The following IL1RAPL1 variants were observed in gnomAD, a reference collection of about 807,000 sequenced individuals.
IL1RAPL1 encodes interleukin-1 receptor accessory protein-like 1.
In IL1RAPL1, 3 loss-of-function variants were observed where a neutral mutation model predicts 48.4. The ratio of observed to expected loss-of-function variants is 0.06; its 90% CI spans 0.03 to 0.16. The LOEUF (loss-of-function observed/expected upper bound fraction) is 0.16, where lower values mean the gene tolerates loss of function less well. Among genes scored for constraint, IL1RAPL1 ranks in the 10% least tolerant of loss-of-function variants. The probability of loss-of-function intolerance (pLI) is 1.00; values close to 1 mark genes in which losing one functional copy is unlikely to be tolerated. For synonymous variants in IL1RAPL1, 185 were observed against 187.7 expected, an observed-to-expected ratio of 0.99 and a Z score of 0.12; for missense variants, 349 against 530.6, an observed-to-expected ratio of 0.66 and a Z score of 3.36.
In IL1RAPL1 at chrX:29,583,158, A is replaced by C. The variant is rs373061278; in HGVS notation, c.704-85272A>C. ...AAGCATTCCCTTTGAAAACTGGCAC[A>C]AGACAGGGATGCCCTCTCTCACCGC... On this transcript the variant is annotated intron_variant, in intron 5 of 10. Transcript: ENST00000378993. Among the ~76,000 whole-genome samples the C allele has an allele frequency of 7.6e-4, 75 of 98,443 alleles. 2 individuals are homozygous for C. The East Asian group carries it at 8.2e-3, about 11-fold the overall frequency. The allele number at this position is 98,443 out of a possible 115,157, so 85.5% of individuals were successfully genotyped here. A position where few individuals can be genotyped will look rare whatever the true frequency, so the allele number is the denominator to read the frequency against.
intron 2 of IL1RAPL1, among the ~76,000 whole-genome samples, chrX:29,002,902 A>G (rs985345109): frequency 1.0e-5 from 1 of 95,931 alleles, no homozygotes; most frequent in African/African-American, 3.9e-5. Context: ...AAGGAAATCA[A>G]CCAGTTATGT....
Position 29,372,773 on chromosome X carries a change from C to CTTTTTTTTT in IL1RAPL1, c.363-23470_363-23462dup, listed in dbSNP as rs1160543169. Among the ~76,000 whole-genome samples, 26 of 63,485 alleles carry CTTTTTTTTT rather than the reference C, an allele frequency of 4.1e-4. 1 individual carries two copies. Among genetic ancestry groups the CTTTTTTTTT allele is most frequent in the Non-Finnish European group, 5.5e-4 (19 of 34,415 alleles). The allele number at this position is 63,485 out of a possible 115,157, so 55.1% of individuals were successfully genotyped here. On this transcript the variant is annotated intron_variant, in intron 3 of 10. Transcript: ENST00000378993. Reference sequence around the variant, plus strand: ...TGTTCTATTCCATTGGTCTATGTGTCTTTTTTTTTTTTTTTTTTTTTTTGT... The same window carrying CTTTTTTTTT: ...TGTTCTATTCCATTGGTCTATGTGTCTTTTTTTTTTTTTTTTTTTTTTTTTTTTTTTTGT...
At chrX:29,766,342 A>AAAAAATATATATAT (rs1200679211) in intron 6 of IL1RAPL1, among the ~76,000 whole-genome samples, 1 of 47,542 alleles carries the variant, frequency 2.1e-5, no homozygotes, top group African/African-American at 9.0e-5. Context: ...AAAAAAAAAA[A>AAAAAATATATATAT]ATATATATAT....
intron 5 of IL1RAPL1, among the ~76,000 whole-genome samples, chrX:29,589,920 C>T (rs988440554): frequency 6.3e-5 from 7 of 111,076 alleles, no homozygotes; most frequent in Admixed American, 5.8e-4. Context: ...AGTTCACAAT[C>T]GGCGCAGAAG....
chrX:29,588,900 T>C (rs1487290757), intron 5 of IL1RAPL1, among the ~76,000 whole-genome samples: 1 of 112,099 alleles, frequency 8.9e-6, no homozygotes. Flanking sequence ...TTTAGGCTAC[T>C]TGGGTTCTAT....
intron 5 of IL1RAPL1, among the ~76,000 whole-genome samples, chrX:29,652,084 A>G (rs1925536597): frequency 9.0e-6 from 1 of 111,698 alleles, no homozygotes; most frequent in African/African-American, 3.2e-5. Context: ...ATCTTCAGAA[A>G]AAAAGCACAC....
intron 6 of IL1RAPL1, among the ~76,000 whole-genome samples, chrX:29,835,460 C>A: frequency 9.0e-6 from 1 of 111,724 alleles, no homozygotes; most frequent in East Asian, 2.8e-4. Context: ...AAGATAATTG[C>A]GTGTAGTTTT....
At chrX:29,439,241 G>A (rs1569311395) in intron 5 of IL1RAPL1, among the ~76,000 whole-genome samples, 1 of 111,278 alleles carries the variant, frequency 9.0e-6, no homozygotes, top group African/African-American at 3.3e-5. Flanking sequence ...TAGGTTTTGG[G>A]TTAGATTCAA....
chrX:29,143,251 G>A (rs1929280452), intron 2 of IL1RAPL1, among the ~76,000 whole-genome samples: 1 of 110,877 alleles, frequency 9.0e-6, no homozygotes, highest in African/African-American at 3.3e-5. Flanking sequence ...TGAAAGACAT[G>A]GACAATCACA....
intron 2 of IL1RAPL1, among the ~76,000 whole-genome samples, chrX:29,252,039 C>G (rs903731095): frequency 1.8e-5 from 1 of 56,841 alleles, no homozygotes; most frequent in African/African-American, 5.0e-5. Flanking sequence ...ACCGCGTGTT[C>G]TCACTCATAA....
intron 5 of IL1RAPL1, among the ~76,000 whole-genome samples, chrX:29,546,414 T>A (rs1353405638): frequency 9.0e-6 from 1 of 111,640 alleles, no homozygotes; most frequent in Non-Finnish European, 1.9e-5. Flanking sequence ...GGAAATAGCA[T>A]GTGTCCTTTT....
intron 6 of IL1RAPL1, among the ~76,000 whole-genome samples, chrX:29,876,872 A>G (rs190320750): frequency 8.9e-6 from 1 of 112,037 alleles, no homozygotes; most frequent in African/African-American, 3.2e-5. Context: ...TCCACAGATT[A>G]CCACAGTAAA....
chrX:29,895,119 C>T (rs1276356364), intron 6 of IL1RAPL1, among the ~76,000 whole-genome samples: 2 of 110,163 alleles, frequency 1.8e-5, no homozygotes. Context: ...CCACCGCGCC[C>T]GGCCCCATTC....
intron 6 of IL1RAPL1, among the ~76,000 whole-genome samples, chrX:29,881,011 A>G (rs1324745940): frequency 9.0e-6 from 1 of 111,387 alleles, no homozygotes; most frequent in East Asian, 2.8e-4. Context: ...ATTTTATTTG[A>G]AAGATCACCT....
Position 29,123,524 on chromosome X carries a change from C to G in IL1RAPL1, c.83-159414C>G, listed in dbSNP as rs376655121. On this transcript the variant is annotated intron_variant, in intron 2 of 10. Coordinates refer to ENST00000378993, the MANE Select transcript of IL1RAPL1 (RefSeq NM_014271.4). ...GCATTATGACGAAATCTGTAGTAAA[C>G]TGTGGGCAATGTATATGGATATGAT... is the stretch of plus-strand genomic sequence containing the variant. 5.3e-5 allele frequency among the ~76,000 whole-genome samples: 6 copies of G among 112,268 alleles called. No individual in the cohort carries two copies. The East Asian group carries it at 1.7e-3, about 31-fold the overall frequency.
intron 1 of IL1RAPL1, among the ~76,000 whole-genome samples, chrX:28,787,707 T>C (rs187908766): frequency 2.3e-4 from 26 of 111,682 alleles, no homozygotes; most frequent in African/African-American, 8.5e-4. Flanking sequence ...TATGAGTAAA[T>C]TAATCAATTA....
intron 1 of IL1RAPL1, among the ~76,000 whole-genome samples, chrX:28,708,289 A>G (rs1241443168): frequency 1.8e-5 from 2 of 111,396 alleles, no homozygotes; most frequent in African/African-American, 3.3e-5. Context: ...GTTACAGGAC[A>G]TGCCTTTCCA....
chrX:28,847,554 T>G (rs1293999071), intron 2 of IL1RAPL1, among the ~76,000 whole-genome samples: 2 of 111,395 alleles, frequency 1.8e-5, no homozygotes, highest in African/African-American at 3.3e-5. Flanking sequence ...TGCCTCTTAG[T>G]ATATCCATTA....
intron 2 of IL1RAPL1, among the ~76,000 whole-genome samples, chrX:29,169,452 G>A (rs1346362399): frequency 1.8e-5 from 2 of 109,830 alleles, no homozygotes; most frequent in Non-Finnish European, 3.8e-5. Context: ...CTGTAAATTA[G>A]GGTCTCAAGA....
Sources: allele counts gnomAD v4.1 joint callset (sites outside exome capture counted in the v4.1 genomes callset), GRCh38; gene constraint gnomAD v4.1.1; transcripts MANE v1.5; gene names NCBI Gene and HGNC (gene_info 2026-07-23, HGNC 2026-07-21).